The following STPG2 variants were observed in gnomAD, a reference collection of about 807,000 sequenced individuals.
STPG2 encodes sperm-tail PG-rich repeat-containing protein 2.
Under a neutral mutation model 54.2 loss-of-function variants are expected in STPG2, and 56 were observed. The ratio of observed to expected loss-of-function variants is 1.03; its 90% CI spans 0.83 to 1.29. STPG2 has a LOEUF of 1.29. Ranked by LOEUF, STPG2 falls within the 50% of genes most tolerant of loss-of-function variation. STPG2 has a pLI of 0.00. For missense variants in STPG2, 596 were observed against 544.9 expected (o/e 1.09, Z -0.93); for synonymous variants, 200 against 181.8 (o/e 1.10, Z -0.81).
At chr4:97,853,463 G>C (rs1045847754) in intron 8 of STPG2, among the ~76,000 whole-genome samples, 1 of 151,976 alleles carries the variant, frequency 6.6e-6, no homozygotes, top group African/African-American at 2.4e-5. Context: ...AAACAGAATT[G>C]TGCAAATTAG....
chr4:97,634,773 G>C (rs1238081206), intron 10 of STPG2, among the ~76,000 whole-genome samples: 2 of 151,980 alleles, frequency 1.3e-5, no homozygotes, highest in Non-Finnish European at 2.9e-5. Context: ...AATGAAGTGA[G>C]AAGGAAAGTT....
At position 98,075,914 on chromosome 4, in the gene STPG2, C is replaced by T. The variant is rs192628282; in HGVS notation, c.612+30039G>A. 4.3e-3 allele frequency among the ~76,000 whole-genome samples: 647 copies of T among 152,164 alleles called. 3 individuals are homozygous for T. Among genetic ancestry groups the T allele is most frequent in the South Asian group, 0.024 (118 of 4,822 alleles). On this transcript the variant is annotated intron_variant, in intron 5 of 10. Transcript: ENST00000295268. The stretch of plus-strand genomic sequence containing the variant: ...CCCTTGAGGGCACCTTTAAAATCTT[C>T]GAGAAGAAAAGACCATACAATTTTT...
At chr4:98,016,586 A>G (rs1735953671) in intron 5 of STPG2, among the ~76,000 whole-genome samples, 1 of 151,964 alleles carries the variant, frequency 6.6e-6, no homozygotes, top group African/African-American at 2.4e-5. Flanking sequence ...TGTGTCCTTC[A>G]GCTCCACAAT....
chr4:97,628,132 A>C (rs1376269159), intron 10 of STPG2, among the ~76,000 whole-genome samples: 3 of 152,132 alleles, frequency 2.0e-5, no homozygotes, highest in Non-Finnish European at 4.4e-5. Context: ...TGACACATAA[A>C]ATTAGCCATT....
At chr4:98,126,058 C>T (rs1384736493) in intron 3 of STPG2, among the ~76,000 whole-genome samples, 1 of 152,186 alleles carries the variant, frequency 6.6e-6, no homozygotes, top group Non-Finnish European at 1.5e-5. Flanking sequence ...GGCAGCCACC[C>T]CTCCCCTGGG....
intron 10 of STPG2, among the ~76,000 whole-genome samples, chr4:97,593,887 A>G (rs951251544): frequency 2.0e-5 from 3 of 152,180 alleles, no homozygotes; most frequent in African/African-American, 7.2e-5. Context: ...TGTAGCCCAG[A>G]AATGCTGAGC....
chr4:97,785,394 A>G (rs1302330735), intron 9 of STPG2, among the ~76,000 whole-genome samples: 1 of 152,080 alleles, frequency 6.6e-6, no homozygotes, highest in Non-Finnish European at 1.5e-5. Context: ...ACAGTGTCGT[A>G]CCACTTACTT....
chr4:97,709,346 CA>C lies in STPG2; in HGVS notation c.1320+3352del, dbSNP rs753821612. Reference sequence around the variant, plus strand: ...AAACCTACAGTGTGATTCCAATTCTCAACATGTTCTGGATTTATACATGTTA... The same window carrying C: ...AAACCTACAGTGTGATTCCAATTCTCACATGTTCTGGATTTATACATGTTA... On this transcript the variant is annotated intron_variant, in intron 10 of 10. Transcript: ENST00000295268. Among the ~76,000 whole-genome samples, 423 of 151,670 alleles carry C rather than the reference CA, an allele frequency of 2.8e-3. 6 individuals are homozygous for C. The highest frequency in any genetic ancestry group is 1.9e-3 in the Non-Finnish European group (128 of 67,646).
At chr4:97,884,615 G>T (rs1429834350) in intron 8 of STPG2, among the ~76,000 whole-genome samples, 1 of 152,094 alleles carries the variant, frequency 6.6e-6, no homozygotes, top group Non-Finnish European at 1.5e-5. Flanking sequence ...CTACTCTGTG[G>T]TATTTGTTCA....
At chr4:98,015,922 C>G (rs1735930463) in intron 5 of STPG2, among the ~76,000 whole-genome samples, 1 of 152,058 alleles carries the variant, frequency 6.6e-6, no homozygotes, top group African/African-American at 2.4e-5. Flanking sequence ...ATGGATGAAG[C>G]TGGAAACCAT....
chr4:97,897,460 T>C (rs1434244908), intron 8 of STPG2, among the ~76,000 whole-genome samples: 1 of 152,166 alleles, frequency 6.6e-6, no homozygotes, highest in Non-Finnish European at 1.5e-5. Context: ...TTTCTGTTTT[T>C]AGGTCTTTGA....
At chr4:97,905,889 A>C (rs1240918952) in intron 8 of STPG2, among the ~76,000 whole-genome samples, 2 of 152,052 alleles carry the variant, frequency 1.3e-5, no homozygotes, top group Admixed American at 6.6e-5. Flanking sequence ...AAATTTATAG[A>C]ACTAAATGCC....
At chr4:97,852,967 CTTTTTTTT>C (rs574886386) in intron 8 of STPG2, among the ~76,000 whole-genome samples, 10 of 69,648 alleles carry the variant, frequency 1.4e-4, no homozygotes, top group Non-Finnish European at 2.0e-4. Flanking sequence ...AACATATTTT[CTTTTTTTT>C]TTTTTTTTTT....
intron 6 of STPG2, among the ~76,000 whole-genome samples, chr4:97,977,108 T>C (rs569471611): frequency 4.1e-4 from 63 of 152,274 alleles, no homozygotes; most frequent in African/African-American, 1.4e-3. Flanking sequence ...TAAAATACTG[T>C]AAAAGACTAA....
intron 9 of STPG2, among the ~76,000 whole-genome samples, chr4:97,806,450 A>G (rs1360590618): frequency 1.3e-5 from 2 of 152,120 alleles, no homozygotes; most frequent in African/African-American, 4.8e-5. Flanking sequence ...TTCATACCCC[A>G]AACCTCAGCA....
intron 10 of STPG2, among the ~76,000 whole-genome samples, chr4:97,594,034 G>A (rs1306697389): frequency 2.6e-5 from 4 of 152,202 alleles, no homozygotes; most frequent in African/African-American, 4.8e-5. Context: ...CTGAAGGAAC[G>A]TCAGCCCATA....
At chr4:97,950,567 T>TGAATTC (rs1733427774) in intron 7 of STPG2, among the ~76,000 whole-genome samples, 1 of 152,212 alleles carries the variant, frequency 6.6e-6, no homozygotes, top group Non-Finnish European at 1.5e-5. Context: ...ATTAATCTTT[T>TGAATTC]GAATTCGTTT....
intron 4 of STPG2, among the ~76,000 whole-genome samples, chr4:97,464,462 G>T (rs930537890): frequency 1.3e-5 from 2 of 152,102 alleles, no homozygotes; most frequent in South Asian, 2.1e-4. Flanking sequence ...TGTCACCCAG[G>T]TTGGAGTGCA....
intron 10 of STPG2, among the ~76,000 whole-genome samples, chr4:97,587,735 T>C (rs1212362887): frequency 6.6e-6 from 1 of 151,972 alleles, no homozygotes; most frequent in Non-Finnish European, 1.5e-5. Flanking sequence ...GCCCCACCCC[T>C]ATTATAACTC....
Sources: gnomAD v4.1 joint callset for allele counts (sites outside exome capture counted in the v4.1 genomes callset) on GRCh38, gnomAD v4.1.1 for gene constraint, MANE v1.5 for transcripts, NCBI Gene and HGNC (gene_info 2026-07-23, HGNC 2026-07-21) for gene names.